SPAST: variants seen among roughly 807,000 people sequenced by gnomAD.
SPAST encodes the protein spastic paraplegia 4 (autosomal dominant; spastin).
SPAST carries 30 observed loss-of-function variants against 76.6 expected under a neutral mutation model. That is an observed-to-expected ratio of 0.39 (90% confidence interval 0.29 to 0.53). The LOEUF is 0.53. Among genes scored for constraint, SPAST ranks in the 20% least tolerant of loss-of-function variants. SPAST has a pLI of 0.68. For synonymous variants in SPAST, 305 were observed against 281.0 expected (o/e 1.09, Z -0.86); for missense variants, 717 against 770.5 (o/e 0.93, Z 0.82).
At chr2:32,081,732 C>A (rs1191667044) in intron 1 of SPAST, among the ~76,000 whole-genome samples, 1 of 134,194 alleles carries the variant, frequency 7.5e-6, no homozygotes, top group Non-Finnish European at 1.5e-5. Context: ...TGCAGTAAGC[C>A]GAGATCATAC....
intron 1 of SPAST, among the ~76,000 whole-genome samples, chr2:32,083,432 C>G (rs1301308174): frequency 2.0e-5 from 3 of 151,674 alleles, no homozygotes; most frequent in East Asian, 1.9e-4. Context: ...CATTTTGTTT[C>G]CTACCAGCAA....
At chr2:32,113,857 G>GC (rs1244733401) in intron 4 of SPAST, among the ~76,000 whole-genome samples, 2 of 151,938 alleles carry the variant, frequency 1.3e-5, no homozygotes, top group African/African-American at 4.8e-5. Flanking sequence ...GTGAGCCATC[G>GC]CGCCCGGCGC....
intron 4 of SPAST, among the ~76,000 whole-genome samples, chr2:32,106,643 A>T (rs1678332634): frequency 6.6e-6 from 1 of 152,142 alleles, no homozygotes; most frequent in South Asian, 2.1e-4. Context: ...TGGAGAAGAG[A>T]TAGAGTAAAA....
rs1235647364 is a variant in SPAST at position 32,134,989 on chromosome 2, C to G, written c.1246-1574C>G. 2.0e-5 allele frequency among the ~76,000 whole-genome samples: 3 copies of G among 152,102 alleles called. No individual in the cohort carries two copies. The East Asian group carries it at 5.8e-4, about 29-fold the overall frequency. On this transcript the variant is annotated intron_variant, in intron 9 of 16. Transcript: ENST00000315285. Reference sequence around the variant, plus strand: ...GGGATTACAGGCATGAGCCACCGCACCCGGCCTCTAGCGTAACTTTTACAT... The same window carrying G: ...GGGATTACAGGCATGAGCCACCGCAGCCGGCCTCTAGCGTAACTTTTACAT...
intron 4 of SPAST, among the ~76,000 whole-genome samples, chr2:32,102,343 GT>G (rs1678157205): frequency 6.6e-6 from 1 of 152,234 alleles, no homozygotes; most frequent in South Asian, 2.1e-4. Flanking sequence ...CTTTGCTGAA[GT>G]TGCTTATCAG....
intron 1 of SPAST, among the ~76,000 whole-genome samples, chr2:32,086,858 T>G (rs910431296): frequency 4.6e-5 from 7 of 152,246 alleles, no homozygotes; most frequent in Non-Finnish European, 1.0e-4. Context: ...ATATGTGATT[T>G]GAGTATAACG....
chr2:32,082,762 C>T (rs1027419940), intron 1 of SPAST, among the ~76,000 whole-genome samples: 5 of 152,082 alleles, frequency 3.3e-5, no homozygotes, highest in African/African-American at 4.8e-5. Context: ...TAAATGGAAG[C>T]ATGTAGTATG....
intron 1 of SPAST, among the ~76,000 whole-genome samples, chr2:32,075,009 T>C (rs975898910): frequency 6.6e-6 from 1 of 152,174 alleles, no homozygotes; most frequent in Non-Finnish European, 1.5e-5. Context: ...AATAGTACTT[T>C]TAAGATTACA....
rs1553397127 is a variant in SPAST, at chr2:32,075,553, T to TTTC, written c.415+11309_415+11310insCTT. Among the ~76,000 whole-genome samples, 6 of 134,096 alleles carry TTTC rather than the reference T, an allele frequency of 4.5e-5. No homozygotes were observed. In the South Asian group the frequency reaches 1.3e-3, roughly 29 times the overall value. The allele number at this position is 134,096 out of a possible 152,430, so 88.0% of individuals were successfully genotyped here. A position where few individuals can be genotyped will look rare whatever the true frequency, so the allele number is the denominator to read the frequency against. Reference sequence around the variant, plus strand: ...TTAGTGTCATGGCTTTTTTCTTTTTTTTTTTTTTTTTTTTGAGACAAAGCC... The same window carrying TTTC: ...TTAGTGTCATGGCTTTTTTCTTTTTTTTCTTTTTTTTTTTTTTGAGACAAAGCC... On this transcript the variant is annotated intron_variant, in intron 1 of 16. Transcript: ENST00000315285.
At chr2:32,147,315 GA>G (rs1679920635) in intron 16 of SPAST, 57 bp downstream of exon 16, 1 of 755,288 alleles carries the variant, frequency 1.3e-6, no homozygotes, top group African/African-American at 1.9e-5. Flanking sequence ...ACATATATAA[GA>G]CATACATATA....
At chr2:32,077,197 A>G (rs1016523960) in intron 1 of SPAST, among the ~76,000 whole-genome samples, 18 of 152,270 alleles carry the variant, frequency 1.2e-4, no homozygotes, top group African/African-American at 3.4e-4. Flanking sequence ...TTAGATATCT[A>G]TTACTCTGCT....
intron 4 of SPAST, among the ~76,000 whole-genome samples, chr2:32,112,638 G>A (rs751769874): frequency 6.6e-6 from 1 of 151,798 alleles, no homozygotes; most frequent in Non-Finnish European, 1.5e-5. Flanking sequence ...AAGCCACCAC[G>A]CCCAGCCTAA....
chr2:32,138,094 C>T (rs1297734101), intron 12 of SPAST, among the ~76,000 whole-genome samples: 1 of 152,160 alleles, frequency 6.6e-6, no homozygotes, highest in Non-Finnish European at 1.5e-5. Context: ...GATTCTATGT[C>T]TGCTGTCATG....
At chr2:32,082,100 C>T in intron 1 of SPAST, among the ~76,000 whole-genome samples, 1 of 139,814 alleles carries the variant, frequency 7.2e-6, no homozygotes, top group African/African-American at 2.6e-5. Flanking sequence ...AGCAGCGATT[C>T]TCCTGCCTCA....
chr2:32,071,749 A>G (rs1676760320), intron 1 of SPAST, among the ~76,000 whole-genome samples: 1 of 152,230 alleles, frequency 6.6e-6, no homozygotes, highest in South Asian at 2.1e-4. Flanking sequence ...CCTGGAATCC[A>G]TAGAAGGGAG....
At chr2:32,116,005 C>G in intron 6 of SPAST, 114 bp from the exon 7 acceptor site, 1 of 969,514 alleles carries the variant, frequency 1.0e-6, no homozygotes, top group South Asian at 1.4e-5. Flanking sequence ...ACTGATTTAA[C>G]TATAGTTTAA....
chr2:32,093,670 A>G (rs1020443286), intron 3 of SPAST, among the ~76,000 whole-genome samples: 21 of 152,166 alleles, frequency 1.4e-4, no homozygotes, highest in African/African-American at 1.9e-4. Flanking sequence ...ATCCTTGTCT[A>G]TATCCCAAGT....
chr2:32,082,691 C>T (rs1677287829), intron 1 of SPAST, among the ~76,000 whole-genome samples: 1 of 150,940 alleles, frequency 6.6e-6, no homozygotes, highest in Non-Finnish European at 1.5e-5. Context: ...AGCGAAATTC[C>T]ATCTCAAAAA....
At chr2:32,107,193 T>C (rs1330305613) in intron 4 of SPAST, among the ~76,000 whole-genome samples, 1 of 152,148 alleles carries the variant, frequency 6.6e-6, no homozygotes, top group Admixed American at 6.6e-5. Context: ...ACAAGTTGAA[T>C]ATCCCTAATA....
Sources: allele counts gnomAD v4.1 joint callset (sites outside exome capture counted in the v4.1 genomes callset), GRCh38; gene constraint gnomAD v4.1.1; transcripts MANE v1.5; gene names NCBI Gene and HGNC (gene_info 2026-07-23, HGNC 2026-07-21).